Variants in STYX observed in about 807,000 individuals in gnomAD.
STYX encodes the protein serine/threonine/tyrosine interacting protein.
Under a neutral mutation model 42.7 loss-of-function variants are expected in STYX, and 20 were observed. The ratio of observed to expected loss-of-function variants is 0.47; its 90% CI spans 0.33 to 0.68. STYX has a LOEUF of 0.68. Ranked by LOEUF, STYX falls within the 30% of genes least tolerant of loss-of-function variation. The pLI is 0.02. For synonymous variants in STYX, 78 were observed against 81.9 expected (o/e 0.95, Z 0.26); for missense variants, 226 against 268.5 (o/e 0.84, Z 1.11).
intron 9 of STYX, among the ~76,000 whole-genome samples, chr14:52,764,012 A>C (rs989291117): frequency 1.1e-4 from 17 of 152,096 alleles, no homozygotes; most frequent in Admixed American, 9.8e-4. Flanking sequence ...GTTGTTGTTG[A>C]GACAGAGTCT....
intron 1 of STYX, among the ~76,000 whole-genome samples, chr14:52,736,757 C>T (rs1880970048): frequency 6.6e-6 from 1 of 152,138 alleles, no homozygotes; most frequent in Non-Finnish European, 1.5e-5. Flanking sequence ...TTTAATTTAT[C>T]TGAATGAAGC....
intron 1 of STYX, among the ~76,000 whole-genome samples, chr14:52,739,123 C>G (rs7158756): frequency 6.6e-6 from 1 of 151,186 alleles, no homozygotes; most frequent in Non-Finnish European, 1.5e-5. Context: ...TTTAAAAATA[C>G]CACTTTTTTT....
chr14:52,763,324 A>C (rs1882173340), intron 9 of STYX, among the ~76,000 whole-genome samples: 1 of 151,896 alleles, frequency 6.6e-6, no homozygotes, highest in African/African-American at 2.4e-5. Flanking sequence ...TTTTGGTTCT[A>C]TTATTTTTTT....
chr14:52,738,402 T>C (rs1881048363), intron 1 of STYX, among the ~76,000 whole-genome samples: 2 of 152,218 alleles, frequency 1.3e-5, no homozygotes, highest in South Asian at 4.1e-4. Context: ...TATAACCTTA[T>C]GGAAAGCTCA....
intron 1 of STYX, among the ~76,000 whole-genome samples, chr14:52,741,414 A>G (rs1264585708): frequency 3.3e-5 from 5 of 151,908 alleles, no homozygotes; most frequent in African/African-American, 4.8e-5. Context: ...AGGTAATGAT[A>G]TCTTTTGATT....
chr14:52,765,941 G>C (rs2139934778), intron 9 of STYX, among the ~76,000 whole-genome samples: 1 of 152,252 alleles, frequency 6.6e-6, no homozygotes, highest in Non-Finnish European at 1.5e-5. Context: ...TGCAGTCCAG[G>C]GGTGGGGACC....
In STYX at chr14:52,771,029, T is replaced by G. The variant is rs1381250347; in HGVS notation, c.599-4T>G. The G allele has an allele frequency of 1.9e-6, 3 of 1,612,096 alleles. No individual in the cohort carries two copies. The highest frequency in any genetic ancestry group is 1.3e-5 in the African/African-American group (1 of 74,848). Reference sequence around the variant, plus strand: ...CCTTTTAATCTTCATGCAATAACTTTTAGGCAGTTTGAAGAGAACACATGA... The same window carrying G: ...CCTTTTAATCTTCATGCAATAACTTGTAGGCAGTTTGAAGAGAACACATGA... On this transcript the variant is annotated splice_polypyrimidine_tract_variant and splice_region_variant and intron_variant, in intron 10 of 10. Coordinates refer to ENST00000354586, the MANE Select transcript of STYX (RefSeq NM_145251.4).
intron 1 of STYX, 51 bp from the exon 2 acceptor site, chr14:52,744,801 G>T (rs774011117): frequency 6.4e-7 from 1 of 1,562,714 alleles, no homozygotes; most frequent in Non-Finnish European, 8.8e-7. Context: ...GCCTTTAATT[G>T]GGTGACTTTT....
At chr14:52,739,164 A>G (rs1246572300) in intron 1 of STYX, among the ~76,000 whole-genome samples, 1 of 150,878 alleles carries the variant, frequency 6.6e-6, no homozygotes, top group African/African-American at 2.4e-5. Context: ...TTCCTGTGAT[A>G]CTCCCATACA....
intron 1 of STYX, among the ~76,000 whole-genome samples, chr14:52,734,526 A>G (rs568420771): frequency 6.8e-4 from 103 of 152,330 alleles, no homozygotes; most frequent in African/African-American, 2.4e-3. Flanking sequence ...ATAGTGGCTC[A>G]TAAATAACCA....
chr14:52,748,611 G>A (rs548074820), intron 3 of STYX, among the ~76,000 whole-genome samples: 6 of 152,266 alleles, frequency 3.9e-5, no homozygotes, highest in African/African-American at 1.4e-4. Context: ...AAAAGTAATT[G>A]CAGATCTGCC....
chr14:52,741,231 T>TC (rs376474199), intron 1 of STYX, among the ~76,000 whole-genome samples: 1 of 116,738 alleles, frequency 8.6e-6, no homozygotes, highest in Non-Finnish European at 1.9e-5. Context: ...TATATATATA[T>TC]TTTTTTTTTG....
chr14:52,740,150 G>A (rs1299838617), intron 1 of STYX, among the ~76,000 whole-genome samples: 6 of 152,042 alleles, frequency 3.9e-5, no homozygotes, highest in Non-Finnish European at 7.4e-5. Context: ...GGTGGTGGGC[G>A]CTTGTAATCC....
chr14:52,740,581 T>A (rs956729826), intron 1 of STYX, among the ~76,000 whole-genome samples: 1 of 152,238 alleles, frequency 6.6e-6, no homozygotes, highest in Non-Finnish European at 1.5e-5. Context: ...AAGAACATTT[T>A]AACTTTTTTT....
At chr14:52,770,165 T>G (rs1280753397) in intron 10 of STYX, among the ~76,000 whole-genome samples, 1 of 152,162 alleles carries the variant, frequency 6.6e-6, no homozygotes, top group Non-Finnish European at 1.5e-5. Flanking sequence ...ATCTGAAACT[T>G]AATCACAGTA....
intron 4 of STYX, among the ~76,000 whole-genome samples, chr14:52,755,378 T>G (rs1299185677): frequency 6.6e-6 from 1 of 152,050 alleles, no homozygotes; most frequent in Non-Finnish European, 1.5e-5. Flanking sequence ...CTGCCTCGGC[T>G]TCCCCAAGTG....
At chr14:52,769,845 A>C (rs532084425) in intron 10 of STYX, among the ~76,000 whole-genome samples, 2 of 152,012 alleles carry the variant, frequency 1.3e-5, no homozygotes, top group Non-Finnish European at 2.9e-5. Flanking sequence ...CCCATGAAAG[A>C]TATTTCTAAT....
chr14:52,755,783 C>T (rs751151807), intron 4 of STYX, among the ~76,000 whole-genome samples: 24 of 140,612 alleles, frequency 1.7e-4, no homozygotes, highest in Non-Finnish European at 2.6e-4. Flanking sequence ...TTTATTTGTT[C>T]GTTCTCTTAG....
chr14:52,750,121 T>C (rs1271623284), intron 3 of STYX, among the ~76,000 whole-genome samples: 4 of 152,192 alleles, frequency 2.6e-5, no homozygotes, highest in African/African-American at 9.7e-5. Context: ...TAAGATGTCA[T>C]TGAAGTTGCC....
Sources: gnomAD v4.1 joint callset for allele counts (sites outside exome capture counted in the v4.1 genomes callset) on GRCh38, gnomAD v4.1.1 for gene constraint, MANE v1.5 for transcripts, NCBI Gene and HGNC (gene_info 2026-07-23, HGNC 2026-07-21) for gene names.